Variants in GNG7 observed in about 807,000 individuals in gnomAD.
GNG7 encodes the protein guanine nucleotide-binding protein G(I)/G(S)/G(O) subunit gamma-7.
A neutral mutation model predicts 4.0 loss-of-function variants in GNG7; 1 was observed. The ratio of observed to expected loss-of-function variants is 0.25; its 90% confidence interval spans 0.09 to 1.18. GNG7 has a LOEUF of 1.18. Ranked by LOEUF, GNG7 falls within the 50% of genes most tolerant of loss-of-function variation. The pLI, the probability that GNG7 is intolerant of heterozygous loss-of-function variation, is 0.50. For synonymous variants in GNG7, 34 were observed against 36.9 expected (o/e 0.92, Z 0.29); for missense variants, 86 against 91.9 (o/e 0.94, Z 0.26).
rs569287090 is a variant in GNG7, at chr19:2,636,214, A to G, written c.-78+10010T>C. Among the ~76,000 whole-genome samples, 11 of 151,964 alleles carry G rather than the reference A, an allele frequency of 7.2e-5. No homozygotes were observed. The South Asian group carries it at 2.3e-3, about 32-fold the overall frequency. ...TTCACCTCCTCTCTCCCTCCCACTCAGGGGGTGGATGGAATTCTCCTCTGG... is the reference window on the plus strand; with the variant it reads ...TTCACCTCCTCTCTCCCTCCCACTCGGGGGGTGGATGGAATTCTCCTCTGG... On this transcript the variant is annotated intron_variant, in intron 2 of 4. Coordinates refer to ENST00000382159, the MANE Select transcript of GNG7 (RefSeq NM_052847.3).
At chr19:2,594,213 A>G (rs999394884) in intron 2 of GNG7, among the ~76,000 whole-genome samples, 1 of 152,020 alleles carries the variant, frequency 6.6e-6, no homozygotes, top group African/African-American at 2.4e-5. Flanking sequence ...TCTACTAAAA[A>G]TACAAAACAC....
intron 2 of GNG7, among the ~76,000 whole-genome samples, chr19:2,580,627 AG>A (rs1980475489): frequency 6.8e-6 from 1 of 146,084 alleles, no homozygotes; most frequent in Non-Finnish European, 1.5e-5. Context: ...TTTAGAGACA[AG>A]GTCTTGCTGT....
chr19:2,574,252 G>T (rs1402354688), intron 2 of GNG7, among the ~76,000 whole-genome samples: 2 of 152,236 alleles, frequency 1.3e-5, no homozygotes, highest in African/African-American at 4.8e-5. Flanking sequence ...GGAAGATGGG[G>T]CTTGGGGCTT....
chr19:2,593,697 T>A (rs966475748), intron 2 of GNG7, among the ~76,000 whole-genome samples: 2 of 151,288 alleles, frequency 1.3e-5, no homozygotes, highest in Admixed American at 6.6e-5. Flanking sequence ...TGAGCCGAGA[T>A]TGTGCCACTG....
chr19:2,622,200 C>A (rs938348234), intron 2 of GNG7, among the ~76,000 whole-genome samples: 14 of 152,102 alleles, frequency 9.2e-5, no homozygotes, highest in Non-Finnish European at 1.8e-4. Flanking sequence ...CTGCCTCAGC[C>A]TCCTGAGTAG....
At chr19:2,543,613 C>T (rs889362249) in intron 3 of GNG7, among the ~76,000 whole-genome samples, 2 of 152,116 alleles carry the variant, frequency 1.3e-5, no homozygotes, top group African/African-American at 2.4e-5. Flanking sequence ...CCGAGCAAAC[C>T]GTCCTCCCAT....
intron 2 of GNG7, among the ~76,000 whole-genome samples, chr19:2,612,732 T>C (rs28648792): frequency 0.21 from 29,272 of 141,932 alleles, 6,102 homozygotes; most frequent in African/African-American, 0.56. Context: ...TTGAGAGTCT[T>C]GCTGTGTCGC....
intron 2 of GNG7, among the ~76,000 whole-genome samples, chr19:2,562,463 T>C (rs1979773712): frequency 6.6e-6 from 1 of 152,018 alleles, no homozygotes; most frequent in African/African-American, 2.4e-5. Flanking sequence ...TTCCTTTTCT[T>C]TTAAATGATT....
In GNG7 at chr19:2,571,917, C is replaced by T. The variant is rs374620751; in HGVS notation, c.-77-16729G>A. Among the ~76,000 whole-genome samples, 3 of 152,032 alleles carry T rather than the reference C, an allele frequency of 2.0e-5. No homozygotes were observed. The East Asian group carries it at 5.8e-4, about 29-fold the overall frequency. ...GGCCAGTTGACCGTTTTATATGAGT[C>T]ATATAAAATATGGGCTACCTACCTA... On this transcript the variant is annotated intron_variant, in intron 2 of 4. Transcript: ENST00000382159.
chr19:2,541,807 C>CGGGA (rs1475355671), intron 3 of GNG7, among the ~76,000 whole-genome samples: 3 of 151,086 alleles, frequency 2.0e-5, no homozygotes, highest in Non-Finnish European at 4.4e-5. Flanking sequence ...TCAGCTACTC[C>CGGGA]GGGAGGCTGA....
chr19:2,534,029 G>T (rs1978667880), intron 3 of GNG7, among the ~76,000 whole-genome samples: 1 of 152,160 alleles, frequency 6.6e-6, no homozygotes, highest in Admixed American at 6.5e-5. Context: ...TTGGTCACGG[G>T]ATTCCAGTGA....
chr19:2,633,343 G>C lies in GNG7; in HGVS notation c.-78+12881C>G, dbSNP rs1247065082. ...CTGCCCCCAGCATCTCATCATATGC[G>C]ACTGTCACCGCCGTGTGTATTTTGA... is the stretch of plus-strand genomic sequence containing the variant. On this transcript the variant is annotated intron_variant, in intron 2 of 4. Coordinates refer to ENST00000382159, the MANE Select transcript of GNG7 (RefSeq NM_052847.3). This position sits in a 1 kb window ranked among gnomAD's most constrained non-coding sequence, Gnocchi z 5.9. 6.6e-6 allele frequency among the ~76,000 whole-genome samples: 1 copy of C among 152,148 alleles called. No individual in the cohort carries two copies. The highest frequency in any genetic ancestry group is 1.5e-5 in the Non-Finnish European group (1 of 68,042).
chr19:2,604,072 G>T (rs927015629), intron 2 of GNG7, among the ~76,000 whole-genome samples: 1 of 151,838 alleles, frequency 6.6e-6, no homozygotes, highest in Non-Finnish European at 1.5e-5. Context: ...GGATGGTATC[G>T]ATCTCTTGAC....
chr19:2,552,817 G>C (rs1316959899), intron 3 of GNG7, among the ~76,000 whole-genome samples: 1 of 146,630 alleles, frequency 6.8e-6, no homozygotes, highest in Non-Finnish European at 1.5e-5. Context: ...AAAGTAATGC[G>C]TTTGAATCGT....
chr19:2,524,583 CAT>C (rs1276602573), intron 3 of GNG7, among the ~76,000 whole-genome samples: 8 of 152,238 alleles, frequency 5.3e-5, no homozygotes, highest in East Asian at 1.9e-4. Flanking sequence ...CGTCAGCATG[CAT>C]ATGAGTGTGC....
rs112704296 is a variant in GNG7 at position 2,613,737 on chromosome 19, G to C, written c.-78+32487C>G. Among the ~76,000 whole-genome samples the C allele has an allele frequency of 3.2e-3, 491 of 151,594 alleles. 1 individual carries two copies. The highest frequency in any genetic ancestry group is 0.012 in the African/African-American group (479 of 41,288). The stretch of plus-strand genomic sequence containing the variant: ...CCTGGAGGTGCTCCCGGCATGGAGT[G>C]GGTGGAGGCCAGGACGCCACTCAGC... On this transcript the variant is annotated intron_variant, in intron 2 of 4. Coordinates refer to ENST00000382159, the MANE Select transcript of GNG7 (RefSeq NM_052847.3).
intron 2 of GNG7, among the ~76,000 whole-genome samples, chr19:2,578,324 G>T (rs1423753384): frequency 3.3e-5 from 5 of 152,150 alleles, no homozygotes; most frequent in Non-Finnish European, 7.4e-5. Flanking sequence ...AGAGGACCGA[G>T]GGCAGCCTAG....
intron 4 of GNG7, among the ~76,000 whole-genome samples, chr19:2,518,704 T>G (rs1345949088): frequency 6.6e-6 from 1 of 152,192 alleles, no homozygotes; most frequent in Non-Finnish European, 1.5e-5. Context: ...GCTGGAGAGC[T>G]GAGTTCTGAG....
chr19:2,602,921 C>CTTT (rs754283734), intron 2 of GNG7, among the ~76,000 whole-genome samples: 148 of 147,254 alleles, frequency 1.0e-3, no homozygotes, highest in Non-Finnish European at 1.8e-3. Context: ...TTCTTTCTTT[C>CTTT]TTTTTGTTTC....
Sources: gnomAD v4.1 joint callset for allele counts (sites outside exome capture counted in the v4.1 genomes callset) on GRCh38, gnomAD v4.1.1 for gene constraint, Gnocchi (gnomAD v3.1) non-coding constraint, MANE v1.5 for transcripts, NCBI Gene and HGNC (gene_info 2026-07-23, HGNC 2026-07-21) for gene names.